Variants in TENM2 observed in about 807,000 individuals in gnomAD.
TENM2 encodes the protein teneurin transmembrane protein 2, also known as teneurin-2.
A neutral mutation model predicts 245.2 loss-of-function variants in TENM2; 52 were observed. The ratio of observed to expected loss-of-function variants is 0.21; its 90% confidence interval spans 0.17 to 0.27. TENM2 has a LOEUF of 0.27. TENM2 is among the 10% of genes least tolerant of loss of function. The probability of loss-of-function intolerance (pLI) is 1.00; values close to 1 mark genes in which losing one functional copy is unlikely to be tolerated. For synonymous variants in TENM2, 1,363 were observed against 1,438.9 expected (o/e 0.95, Z 1.19); for missense variants, 3,046 against 3,666.8 (o/e 0.83, Z 4.37).
intron 3 of TENM2, among the ~76,000 whole-genome samples, chr5:167,950,957 C>G (rs1354014983): frequency 6.6e-6 from 1 of 152,208 alleles, no homozygotes; most frequent in African/African-American, 2.4e-5. Context: ...TTTGTTGTCA[C>G]TGTCCTTTTC....
chr5:167,923,018 T>C (rs1360788584), intron 3 of TENM2, among the ~76,000 whole-genome samples: 1 of 152,204 alleles, frequency 6.6e-6, no homozygotes, highest in Non-Finnish European at 1.5e-5. Context: ...CCTCTGTCTC[T>C]TATACTCTAA....
chr5:167,970,575 G>A lies in TENM2; in HGVS notation c.947+17753G>A, dbSNP rs111416098. On this transcript the variant is annotated intron_variant, in intron 4 of 28. Coordinates refer to ENST00000518659, the Ensembl canonical transcript of TENM2. ...TTTGCTTTTTAATAAAACCATGAAT[G>A]GGAAACATTTAACTCCATGCTTCAA... Among the ~76,000 whole-genome samples, 285 of 152,268 alleles carry A rather than the reference G, an allele frequency of 1.9e-3. 1 individual carries two copies. Among genetic ancestry groups the A allele is most frequent in the African/African-American group, 6.5e-3 (269 of 41,548 alleles).
chr5:167,079,413 A>G, the TENM2 span, among the ~76,000 whole-genome samples: 2 of 150,840 alleles, frequency 1.3e-5, no homozygotes, highest in South Asian at 2.1e-4. Flanking sequence ...TCCCAGGTTC[A>G]AGAGATTCTC....
At chr5:167,487,557 G>T (rs1345573722) in intron 2 of TENM2, among the ~76,000 whole-genome samples, 1 of 152,132 alleles carries the variant, frequency 6.6e-6, no homozygotes, top group Non-Finnish European at 1.5e-5. Context: ...AACTTTCTGT[G>T]TATGAATGTG....
rs559151147 is a variant in TENM2, at chr5:168,159,075, C to T, written c.2423-3536C>T. Among the ~76,000 whole-genome samples, 85 of 151,168 alleles carry T rather than the reference C, an allele frequency of 5.6e-4. 1 individual carries two copies. The South Asian group carries it at 0.017, about 30-fold the overall frequency. ...GGGGGAATCATTTGAACCTGAGAGG[C>T]GGAGGCTGCAGTGAGCCGACATTGC... On this transcript the variant is annotated intron_variant, in intron 12 of 28. Coordinates refer to ENST00000518659, the Ensembl canonical transcript of TENM2.
intron 13 of TENM2, among the ~76,000 whole-genome samples, chr5:168,172,034 G>T (rs1201689175): frequency 2.0e-5 from 3 of 152,202 alleles, no homozygotes; most frequent in African/African-American, 7.2e-5. Context: ...GTCCAGACCA[G>T]TGGTTCCCTA....
At chr5:168,190,401 C>G in exon 14 of TENM2, 1 of 1,614,002 alleles carries the variant, frequency 6.2e-7, no homozygotes. Flanking sequence ...ACAGCCTGCT[C>G]TGCCGGGGGT....
In TENM2 at chr5:167,444,264, C is replaced by T. The variant is rs1765027725; in HGVS notation, c.502+68791C>T. ...CCAGTAGATATGTCTCAAAGTCATA[C>T]ACATTTGCTTATGCACACATGCACA... is the stretch of plus-strand genomic sequence containing the variant. On this transcript the variant is annotated intron_variant, in intron 2 of 28. Transcript: ENST00000518659. 2.1e-5 allele frequency among the ~76,000 whole-genome samples: 3 copies of T among 144,528 alleles called. No individual in the cohort carries two copies. In the Admixed American group the frequency reaches 2.2e-4, roughly 11 times the overall value. The allele number at this position is 144,528 out of a possible 152,430, so 94.8% of individuals were successfully genotyped here.
chr5:167,347,761 T>A (rs1157983295), intron 1 of TENM2, among the ~76,000 whole-genome samples: 1 of 152,130 alleles, frequency 6.6e-6, no homozygotes, highest in Non-Finnish European at 1.5e-5. Context: ...TCTATTTATA[T>A]TTATTTATGA....
intron 2 of TENM2, among the ~76,000 whole-genome samples, chr5:167,499,227 G>C (rs749666385): frequency 4.6e-5 from 7 of 151,996 alleles, no homozygotes; most frequent in Non-Finnish European, 1.0e-4. Context: ...CCACCATAAA[G>C]GACTTTTTCC....
chr5:167,124,579 A>G, the TENM2 span, among the ~76,000 whole-genome samples: 2 of 152,168 alleles, frequency 1.3e-5, no homozygotes, highest in African/African-American at 2.4e-5. Context: ...TTAACTTTCA[A>G]TACACTATTC....
chr5:167,648,593 G>A (rs1780122701), intron 2 of TENM2, among the ~76,000 whole-genome samples: 1 of 152,144 alleles, frequency 6.6e-6, no homozygotes, highest in Admixed American at 6.5e-5. Flanking sequence ...CAAGTTATTT[G>A]GAAGTCTGTT....
At chr5:167,210,150 C>T in the TENM2 span, among the ~76,000 whole-genome samples, 1 of 152,254 alleles carries the variant, frequency 6.6e-6, no homozygotes, top group African/African-American at 2.4e-5. Context: ...TACTGTTATT[C>T]CTGTTTCACA....
chr5:167,096,565 A>C, the TENM2 span, among the ~76,000 whole-genome samples: 9 of 152,196 alleles, frequency 5.9e-5, no homozygotes, highest in Admixed American at 5.9e-4. Flanking sequence ...CTGCCTGGCC[A>C]AACTCTAAAC....
At chr5:168,152,430 C>T (rs977966201) in intron 12 of TENM2, among the ~76,000 whole-genome samples, 1 of 152,144 alleles carries the variant, frequency 6.6e-6, no homozygotes, top group Non-Finnish European at 1.5e-5. Flanking sequence ...AAAAGAGAGC[C>T]GTCAACCCTG....
chr5:167,918,825 G>A (rs1480724520), intron 3 of TENM2, among the ~76,000 whole-genome samples: 2 of 151,452 alleles, frequency 1.3e-5, no homozygotes, highest in African/African-American at 4.9e-5. Context: ...AAAGGAGCAG[G>A]AGAATGAAGC....
chr5:167,268,119 C>G, the TENM2 span, among the ~76,000 whole-genome samples: 2 of 119,870 alleles, frequency 1.7e-5, no homozygotes, highest in Non-Finnish European at 3.5e-5. Context: ...TCTTTATTAT[C>G]TTAAGTGCAA....
At chr5:167,884,230 A>G (rs1312255811) in intron 3 of TENM2, among the ~76,000 whole-genome samples, 1 of 152,214 alleles carries the variant, frequency 6.6e-6, no homozygotes, top group East Asian at 1.9e-4. Context: ...AATTTAACAA[A>G]CAATGTTCTA....
chr5:167,743,524 G>T (rs1295190300), intron 2 of TENM2, among the ~76,000 whole-genome samples: 6 of 152,178 alleles, frequency 3.9e-5, no homozygotes, highest in Non-Finnish European at 8.8e-5. Context: ...TTAAAAAGCA[G>T]TCTTTTCTTT....
Sources: gnomAD v4.1 joint callset for allele counts (sites outside exome capture counted in the v4.1 genomes callset) on GRCh38, gnomAD v4.1.1 for gene constraint, MANE v1.5 for transcripts, NCBI Gene and HGNC (gene_info 2026-07-23, HGNC 2026-07-21) for gene names.